Variants in CSPP1 observed in about 807,000 individuals in gnomAD.
CSPP1 encodes centrosome and spindle pole-associated protein 1.
In CSPP1, 126 loss-of-function variants were observed where a neutral mutation model predicts 164.4. The observed-to-expected ratio is 0.77, with a 90% confidence interval of 0.66 to 0.89. The LOEUF is 0.89. Ranked by LOEUF, CSPP1 falls within the 40% of genes least tolerant of loss-of-function variation. The pLI, the probability that CSPP1 is intolerant of heterozygous loss-of-function variation, is 0.00. For synonymous variants in CSPP1, 472 were observed against 476.7 expected, an observed-to-expected ratio of 0.99 and a Z score of 0.13; for missense variants, 1,395 against 1,449.8, an observed-to-expected ratio of 0.96 and a Z score of 0.61.
chr8:67,119,616 T>C (rs955138667), intron 15 of CSPP1, among the ~76,000 whole-genome samples: 7 of 152,140 alleles, frequency 4.6e-5, no homozygotes, highest in African/African-American at 1.7e-4. Context: ...TCATTGTAGG[T>C]TTAATTTGCA....
chr8:67,190,855 T>G, intron 29 of CSPP1, 96 bp downstream of exon 29: 1 of 844,022 alleles, frequency 1.2e-6, no homozygotes, highest in Non-Finnish European at 2.0e-6. Flanking sequence ...TAAAGAGCAC[T>G]TGCTTGAAAT....
At chr8:67,066,362 G>A (rs1176317063) in intron 1 of CSPP1, among the ~76,000 whole-genome samples, 6 of 152,132 alleles carry the variant, frequency 3.9e-5, no homozygotes, top group Admixed American at 3.9e-4. Flanking sequence ...CTGGATGGAT[G>A]AGAAGTGAGA....
intron 9 of CSPP1, among the ~76,000 whole-genome samples, chr8:67,110,831 T>C (rs1046409887): frequency 6.6e-6 from 1 of 151,672 alleles, no homozygotes; most frequent in African/African-American, 2.4e-5. Context: ...TTTTGTGTAT[T>C]TTGCGCAGTT....
At chr8:67,083,171 A>G (rs1809567158) in intron 3 of CSPP1, among the ~76,000 whole-genome samples, 1 of 152,212 alleles carries the variant, frequency 6.6e-6, no homozygotes, top group Non-Finnish European at 1.5e-5. Context: ...ACTTGTCAAG[A>G]CAATTTTACA....
chr8:67,133,239 G>T (rs185206687), intron 16 of CSPP1, among the ~76,000 whole-genome samples: 1 of 152,184 alleles, frequency 6.6e-6, no homozygotes, highest in African/African-American at 2.4e-5. Context: ...TTTCCAAAAT[G>T]TAGACACTTG....
In CSPP1 at chr8:67,172,472, C is replaced by T; in HGVS notation, c.2885C>T (p.Ala962Val). The T allele has an allele frequency of 6.2e-7, 1 of 1,612,938 alleles. No homozygotes were observed. Among genetic ancestry groups the T allele is most frequent in the South Asian group, 1.1e-5 (1 of 91,056 alleles). ...GATATGGCTAGACATCGGTTGCAAG[C>T]TCCTGTCAGAAGACAGTCCCCTAAG... ...IFDMARHRLQ[A>V]PVRRQSPKGL... The change falls in exon 25 of 31, where the codon GCT becomes GTT. Residue 962 changes from alanine (A) to valine (V), a missense_variant. Coordinates refer to ENST00000678616, the MANE Select transcript of CSPP1 (RefSeq NM_001382391.1).
chr8:67,166,353 T>C (rs1355263356), intron 24 of CSPP1, among the ~76,000 whole-genome samples: 1 of 152,232 alleles, frequency 6.6e-6, no homozygotes, highest in African/African-American at 2.4e-5. Flanking sequence ...TATCTATAAT[T>C]GTTCCTATGT....
At chr8:67,170,154 C>T (rs980540621) in intron 24 of CSPP1, among the ~76,000 whole-genome samples, 11 of 151,982 alleles carry the variant, frequency 7.2e-5, no homozygotes, top group Middle Eastern at 3.4e-3. Context: ...TAGCATTTAT[C>T]TCAATTCTGA....
intron 17 of CSPP1, among the ~76,000 whole-genome samples, chr8:67,144,315 G>C (rs1291945091): frequency 2.0e-5 from 3 of 152,108 alleles, no homozygotes; most frequent in African/African-American, 4.8e-5. Flanking sequence ...AATTTGATTT[G>C]CTAGTATTTT....
At chr8:67,160,913 G>T (rs1290897793) in intron 21 of CSPP1, among the ~76,000 whole-genome samples, 1 of 151,874 alleles carries the variant, frequency 6.6e-6, no homozygotes, top group African/African-American at 2.4e-5. Context: ...TGCAACTTCC[G>T]CCTCCCAGGT....
chr8:67,159,923 TCCTTTCCTTC>T (rs1827715430), intron 21 of CSPP1, among the ~76,000 whole-genome samples: 2 of 67,808 alleles, frequency 2.9e-5, no homozygotes, highest in African/African-American at 1.3e-4. Flanking sequence ...TTTCTTTCTT[TCCTTTCCTTC>T]CTTCCTTCCT....
At chr8:67,140,932 T>C (rs1823363285) in intron 17 of CSPP1, among the ~76,000 whole-genome samples, 1 of 152,228 alleles carries the variant, frequency 6.6e-6, no homozygotes, top group African/African-American at 2.4e-5. Flanking sequence ...GACCTAGTTA[T>C]AGGTTCTAAC....
rs768161450 is a variant in CSPP1 at position 67,086,031 on chromosome 8, C to T, written c.224C>T (p.Pro75Leu). The T allele has an allele frequency of 4.1e-6, 6 of 1,475,706 alleles. No homozygotes were observed. Among genetic ancestry groups the T allele is most frequent in the Non-Finnish European group, 5.7e-6 (6 of 1,054,598 alleles). The allele number at this position is 1,475,706 out of a possible 1,614,324, so 91.4% of individuals were successfully genotyped here. ...SLGIDYGLSL[P>L]LGEDYERKKH... ...GGAATTGATTATGGATTAAGTTTAC[C>T]ACTTGGAGAAGACTATGAACGGAAG... Residue 75 changes from proline (P) to leucine (L), a missense_variant, in exon 4 of 31, where the codon CCA (proline) becomes CTA (leucine). Transcript: ENST00000678616.
chr8:67,104,949 CAT>C lies in CSPP1; in HGVS notation c.1023-939_1023-938del, dbSNP rs201503845. 8.3e-4 allele frequency among the ~76,000 whole-genome samples: 69 copies of C among 83,192 alleles called. No homozygotes were observed. In the East Asian group the frequency reaches 8.3e-3, roughly 10 times the overall value. The allele number at this position is 83,192 out of a possible 152,430, so 54.6% of individuals were successfully genotyped here. On this transcript the variant is annotated intron_variant, in intron 8 of 30. Transcript: ENST00000678616. The stretch of plus-strand genomic sequence containing the variant: ...GCCACTGCTCCCGGTCTTACATGCA[CAT>C]ATATATATATATATATTTTTTTTTT...
intron 28 of CSPP1, among the ~76,000 whole-genome samples, chr8:67,186,318 T>C (rs1834558882): frequency 6.6e-6 from 1 of 151,828 alleles, no homozygotes; most frequent in Non-Finnish European, 1.5e-5. Flanking sequence ...TTTAAATATG[T>C]ATGGAATGTT....
At chr8:67,146,002 G>A (rs1186519096) in intron 17 of CSPP1, among the ~76,000 whole-genome samples, 1 of 151,618 alleles carries the variant, frequency 6.6e-6, no homozygotes, top group East Asian at 1.9e-4. Flanking sequence ...ACTTTTCTTT[G>A]ACCCCCATTA....
At chr8:67,167,449 C>G (rs550954851) in intron 24 of CSPP1, among the ~76,000 whole-genome samples, 3 of 151,960 alleles carry the variant, frequency 2.0e-5, no homozygotes, top group East Asian at 3.9e-4. Context: ...GGCTGCCCCC[C>G]ACCTCCCGGA....
At chr8:67,185,095 A>T (rs1283821344) in intron 28 of CSPP1, among the ~76,000 whole-genome samples, 1 of 147,612 alleles carries the variant, frequency 6.8e-6, no homozygotes, top group Non-Finnish European at 1.5e-5. Flanking sequence ...ACAGAGCAAG[A>T]CTCCGTCTCA....
chr8:67,195,809 A>C lies in CSPP1; in HGVS notation c.*216A>C, dbSNP rs1391102922. On this transcript the variant is annotated 3_prime_UTR_variant, in exon 31 of 31. Coordinates refer to ENST00000678616, the MANE Select transcript of CSPP1 (RefSeq NM_001382391.1). Reference sequence around the variant, plus strand: ...AGAATTGTATAGATTATTTTTGCACAGTTTTGTCATAAATTAGGGTGGTAA... The same window carrying C: ...AGAATTGTATAGATTATTTTTGCACCGTTTTGTCATAAATTAGGGTGGTAA... 3.9e-6 allele frequency: 2 copies of C among 509,148 alleles called. No homozygotes were observed. Among genetic ancestry groups the C allele is most frequent in the East Asian group, 6.9e-5 (2 of 29,084 alleles). The allele number at this position is 509,148 out of a possible 1,614,324, so 31.5% of individuals were successfully genotyped here.
Sources: allele counts gnomAD v4.1 joint callset (sites outside exome capture counted in the v4.1 genomes callset), GRCh38; gene constraint gnomAD v4.1.1; transcripts MANE v1.5; gene names NCBI Gene and HGNC (gene_info 2026-07-23, HGNC 2026-07-21).